The following FAM135B variants were observed in gnomAD, a reference collection of about 807,000 sequenced individuals.
FAM135B encodes family with sequence similarity 135 member B.
Under a neutral mutation model 127.7 loss-of-function variants are expected in FAM135B, and 43 were observed. The observed-to-expected ratio is 0.34, with a 90% CI of 0.26 to 0.43. The LOEUF (loss-of-function observed/expected upper bound fraction) is 0.43. Ranked by LOEUF, FAM135B falls within the 20% of genes least tolerant of loss-of-function variation. The probability of loss-of-function intolerance (pLI) is 1.00; values close to 1 mark genes in which losing one functional copy is unlikely to be tolerated. For missense variants in FAM135B, 1,558 were observed against 1,725.6 expected (o/e 0.90, Z 1.72); for synonymous variants, 670 against 665.1 (o/e 1.01, Z -0.11).
At chr8:138,352,329 T>C (rs1050925189) in intron 2 of FAM135B, among the ~76,000 whole-genome samples, 6 of 152,220 alleles carry the variant, frequency 3.9e-5, no homozygotes, top group African/African-American at 1.2e-4. Context: ...AGTTTGATCA[T>C]TATACATTGT....
Position 138,152,300 on chromosome 8 carries a change from C to T in FAM135B, c.2175G>A (p.Arg725=), listed in dbSNP as rs747149286. 1.9e-6 allele frequency: 3 copies of T among 1,613,954 alleles called. No individual in the cohort carries two copies. In the African/African-American group the frequency reaches 4.0e-5, roughly 22 times the overall value. Residue 725 remains arginine (R), a synonymous_variant, in exon 13 of 20, where the codon CGG becomes CGA. Transcript: ENST00000395297. ...HPFVRRHALH[R]NSLEGGHTES... ...CTGTGTGTCCACCCTCTAGGGAGTT[C>T]CGGTGGAGGGCATGTCTTCGAACAA...
At position 138,373,616 on chromosome 8, in the gene FAM135B, G is replaced by A. The variant is rs181920404; in HGVS notation, c.-19-5614C>T. Among the ~76,000 whole-genome samples, 209 of 151,978 alleles carry A rather than the reference G, an allele frequency of 1.4e-3. 1 individual carries two copies. Among genetic ancestry groups the A allele is most frequent in the Non-Finnish European group, 2.1e-3 (142 of 67,986 alleles). On this transcript the variant is annotated intron_variant, in intron 1 of 19. Coordinates refer to ENST00000395297, the MANE Select transcript of FAM135B (RefSeq NM_015912.4). ...AACTCTGACCACTGGTGAGCTGGGC[G>A]GAACAGAGCCATATTTCTCTTCTTT...
chr8:138,264,781 C>CA (rs1441891248), intron 4 of FAM135B, among the ~76,000 whole-genome samples: 1 of 152,006 alleles, frequency 6.6e-6, no homozygotes, highest in Admixed American at 6.6e-5. Flanking sequence ...AAGATGTGGA[C>CA]AAAAAGCCAA....
intron 4 of FAM135B, 77 bp downstream of exon 4, chr8:138,265,626 A>G (rs1235222173): frequency 2.2e-5 from 34 of 1,530,592 alleles, no homozygotes; most frequent in Non-Finnish European, 3.0e-5. Context: ...TCTTCTTTCA[A>G]CATTTACCTA....
At position 138,148,585 on chromosome 8, in the gene FAM135B, G is replaced by A. The variant is rs1817850704; in HGVS notation, c.3383C>T (p.Pro1128Leu). The part of the protein sequence containing the change: ...VLASDIPYFP[P>L]EEEEENLEDG... ...TTCCAAATTTTCTTCCTCTTCCTCTGGTGGGAAATATGGTATATCAGAAGC... is the reference window on the plus strand; with the variant it reads ...TTCCAAATTTTCTTCCTCTTCCTCTAGTGGGAAATATGGTATATCAGAAGC... The change falls in exon 14 of 20, where the codon CCA (proline) becomes CTA (leucine). Residue 1128 changes from proline to leucine, a missense_variant. Coordinates refer to ENST00000395297, the MANE Select transcript of FAM135B (RefSeq NM_015912.4). 6.2e-7 allele frequency: 1 copy of A among 1,613,402 alleles called. No homozygotes were observed. Among genetic ancestry groups the A allele is most frequent in the Admixed American group, 1.7e-5 (1 of 59,996 alleles).
intron 2 of FAM135B, among the ~76,000 whole-genome samples, chr8:138,323,275 C>T (rs1256334584): frequency 6.6e-6 from 1 of 152,196 alleles, no homozygotes; most frequent in Non-Finnish European, 1.5e-5. Flanking sequence ...CTAAACTTCT[C>T]TTTCCTTACA....
At chr8:138,177,265 T>G in intron 11 of FAM135B, 82 bp downstream of exon 11, 37 of 1,294,260 alleles carry the variant, frequency 2.9e-5, no homozygotes, top group Non-Finnish European at 3.3e-5. Flanking sequence ...TCACTTCCAG[T>G]GAGAAAGTGA....
chr8:138,337,008 A>G (rs1278169751), intron 2 of FAM135B, among the ~76,000 whole-genome samples: 1 of 152,000 alleles, frequency 6.6e-6, no homozygotes. Context: ...GACAAAAACC[A>G]TATGATTATC....
At chr8:138,349,808 C>A (rs1829658090) in intron 2 of FAM135B, among the ~76,000 whole-genome samples, 1 of 152,144 alleles carries the variant, frequency 6.6e-6, no homozygotes, top group Non-Finnish European at 1.5e-5. Flanking sequence ...AAAGCATGTT[C>A]AAGAATCCAT....
chr8:138,207,714 C>G (rs1817811764), intron 7 of FAM135B, among the ~76,000 whole-genome samples: 1 of 152,130 alleles, frequency 6.6e-6, no homozygotes, highest in African/African-American at 2.4e-5. Context: ...GGAGGGACAC[C>G]CATTAGCATA....
chr8:138,242,112 G>C lies in FAM135B; in HGVS notation c.669+830C>G, dbSNP rs563277157. Among the ~76,000 whole-genome samples, 90 of 150,998 alleles carry C rather than the reference G, an allele frequency of 6.0e-4. 2 individuals are homozygous for C. The South Asian group carries it at 0.018, about 31-fold the overall frequency. On this transcript the variant is annotated intron_variant, in intron 7 of 19. Transcript: ENST00000395297. The surrounding 1 kb of genome is among the most constrained non-coding windows in gnomAD (Gnocchi z 9.6). ...CTCCAGCTTGCTGACTGAAGATTTG[G>C]GGGCTTCTCAGCCTTCAAAATCATG...
chr8:138,234,575 C>T (rs1457846752), intron 7 of FAM135B, among the ~76,000 whole-genome samples: 2 of 152,226 alleles, frequency 1.3e-5, no homozygotes, highest in Non-Finnish European at 2.9e-5. Flanking sequence ...CATGTAACCA[C>T]AGGGATGAAC....
intron 7 of FAM135B, among the ~76,000 whole-genome samples, chr8:138,209,917 C>T (rs901716084): frequency 4.6e-5 from 7 of 152,092 alleles, no homozygotes; most frequent in Non-Finnish European, 7.4e-5. Flanking sequence ...CTGAATTCAC[C>T]AGAATTAAAG....
chr8:138,163,171 A>G (rs192672396), intron 12 of FAM135B, among the ~76,000 whole-genome samples: 1 of 152,296 alleles, frequency 6.6e-6, no homozygotes, highest in East Asian at 1.9e-4. Context: ...TCAATCCACT[A>G]GTCACAGCAA....
chr8:138,166,660 C>T, intron 12 of FAM135B, among the ~76,000 whole-genome samples: 1 of 152,152 alleles, frequency 6.6e-6, no homozygotes, highest in East Asian at 1.9e-4. Context: ...AACTTACAGA[C>T]TTAAAACACT....
intron 9 of FAM135B, among the ~76,000 whole-genome samples, chr8:138,180,776 T>TACTTATCCAA (rs1345925885): frequency 6.6e-6 from 1 of 152,078 alleles, no homozygotes; most frequent in Non-Finnish European, 1.5e-5. Flanking sequence ...TTCCAAAAGG[T>TACTTATCCAA]AAGATAAGTC....
intron 7 of FAM135B, among the ~76,000 whole-genome samples, chr8:138,209,482 G>T (rs182262479): frequency 3.3e-5 from 5 of 152,260 alleles, no homozygotes; most frequent in Admixed American, 2.0e-4. Flanking sequence ...CAAAGTGCAG[G>T]GAGACAGAAT....
At chr8:138,492,050 G>T (rs1026043568) in intron 1 of FAM135B, among the ~76,000 whole-genome samples, 1 of 152,210 alleles carries the variant, frequency 6.6e-6, no homozygotes, top group Non-Finnish European at 1.5e-5. Flanking sequence ...AACCACAAAA[G>T]GGCTTTGAGC....
chr8:138,482,058 G>C (rs1276680848), intron 1 of FAM135B, among the ~76,000 whole-genome samples: 3 of 152,212 alleles, frequency 2.0e-5, no homozygotes, highest in Non-Finnish European at 2.9e-5. Context: ...ACATAGGGCA[G>C]AGGAGTCCAT....
Sources: allele counts gnomAD v4.1 joint callset (sites outside exome capture counted in the v4.1 genomes callset), GRCh38; gene constraint gnomAD v4.1.1; non-coding constraint Gnocchi (gnomAD v3.1); transcripts MANE v1.5; gene names NCBI Gene and HGNC (gene_info 2026-07-23, HGNC 2026-07-21).